Variants in TJP1 observed in about 807,000 individuals in gnomAD.
TJP1 encodes the protein tight junction protein ZO-1.
TJP1 carries 43 observed loss-of-function variants against 194.2 expected under a neutral mutation model. That is an observed-to-expected ratio of 0.22 (90% CI 0.17 to 0.29). TJP1 has a LOEUF of 0.29. Among genes scored for constraint, TJP1 ranks in the 10% least tolerant of loss-of-function variants. The pLI, the probability that TJP1 is intolerant of heterozygous loss-of-function variation, is 1.00. For missense variants in TJP1, 1,971 were observed against 2,185.7 expected (o/e 0.90, Z 1.96); for synonymous variants, 801 against 779.0 (o/e 1.03, Z -0.47).
intron 1 of TJP1, among the ~76,000 whole-genome samples, chr15:29,959,647 G>A (rs1232754744): frequency 6.6e-6 from 1 of 152,088 alleles, no homozygotes; most frequent in Non-Finnish European, 1.5e-5. Flanking sequence ...CCGGACAACT[G>A]TAACGTTTTC....
chr15:29,734,154 A>C (rs1566921988), intron 12 of TJP1, 120 bp downstream of exon 12: 1 of 648,820 alleles, frequency 1.5e-6, no homozygotes, highest in Admixed American at 3.3e-5. Context: ...TTTCTTTGAG[A>C]TTAACAAATT....
upstream of TJP1, among the ~76,000 whole-genome samples, chr15:29,826,543 C>A (rs1309901549): frequency 6.6e-6 from 1 of 152,168 alleles, no homozygotes; most frequent in East Asian, 1.9e-4. Context: ...TCCCTTCCTG[C>A]CAAAACACTG....
At chr15:29,878,199 G>T (rs547398393) in intron 2 of TJP1, among the ~76,000 whole-genome samples, 2 of 151,902 alleles carry the variant, frequency 1.3e-5, no homozygotes, top group African/African-American at 4.8e-5. Flanking sequence ...ACAGGCGCCC[G>T]CTACCATGCT....
intron 1 of TJP1, among the ~76,000 whole-genome samples, chr15:29,965,234 G>A (rs1438476620): frequency 7.1e-6 from 1 of 141,844 alleles, no homozygotes; most frequent in Non-Finnish European, 1.6e-5. Flanking sequence ...TTTTGAGATG[G>A]AGTCTTGCTC....
At chr15:29,932,978 T>G (rs2152272790) in intron 2 of TJP1, among the ~76,000 whole-genome samples, 1 of 152,316 alleles carries the variant, frequency 6.6e-6, no homozygotes, top group South Asian at 2.1e-4. Flanking sequence ...TAACTATGAA[T>G]TTTGTAAAGA....
intron 27 of TJP1, among the ~76,000 whole-genome samples, chr15:29,702,374 G>C (rs1345400685): frequency 6.6e-6 from 1 of 152,188 alleles, no homozygotes; most frequent in Non-Finnish European, 1.5e-5. Flanking sequence ...CAGGATTTAA[G>C]TTTTTAATAA....
At chr15:29,707,093 C>A (rs1037836326) in intron 25 of TJP1, among the ~76,000 whole-genome samples, 2 of 152,174 alleles carry the variant, frequency 1.3e-5, no homozygotes, top group African/African-American at 4.8e-5. Flanking sequence ...CAAGCGCCCG[C>A]TCTGGCTGTA....
At chr15:29,807,841 T>C (rs942966652) in intron 1 of TJP1, among the ~76,000 whole-genome samples, 39 of 152,060 alleles carry the variant, frequency 2.6e-4, no homozygotes, top group Non-Finnish European at 1.5e-4. Context: ...TTGGAAAAAA[T>C]ATTTACGTAC....
chr15:29,732,440 T>C lies in TJP1; in HGVS notation c.2010A>G (p.Gln670=), dbSNP rs371297907. ...KLAREEPDIY[Q]IAKSEPRDAG... is the part of the protein sequence containing the mutation. ...AGCCTTGAGGCTACTTACTTGCAAT[T>C]TGATAAATATCTGGTTCTTCTCTTG... is the stretch of plus-strand genomic sequence containing the variant. The change falls in exon 15 of 28, where the codon CAA becomes CAG. Residue 670 remains glutamine (Q), a synonymous_variant. Transcript: ENST00000614355. 1.9e-6 allele frequency: 3 copies of C among 1,613,158 alleles called. No homozygotes were observed. The highest frequency in any genetic ancestry group is 1.3e-5 in the African/African-American group (1 of 75,030).
At chr15:29,967,051 T>C (rs547043285) in intron 1 of TJP1, among the ~76,000 whole-genome samples, 2 of 151,270 alleles carry the variant, frequency 1.3e-5, no homozygotes, top group East Asian at 1.9e-4. Context: ...AGTCTCACTC[T>C]CGCCCAGGCT....
intron 1 of TJP1, among the ~76,000 whole-genome samples, chr15:29,815,635 C>G (rs938971530): frequency 6.6e-6 from 1 of 152,238 alleles, no homozygotes; most frequent in Non-Finnish European, 1.5e-5. Context: ...GAATTTACAG[C>G]TGGACTCATG....
At chr15:29,740,648 A>G (rs2151331201) in intron 10 of TJP1, among the ~76,000 whole-genome samples, 1 of 152,194 alleles carries the variant, frequency 6.6e-6, no homozygotes, top group East Asian at 1.9e-4. Flanking sequence ...AAAACTAACC[A>G]AACAAACAAA....
intron 2 of TJP1, among the ~76,000 whole-genome samples, chr15:29,862,319 G>C (rs1228658146): frequency 2.6e-5 from 4 of 152,158 alleles, no homozygotes; most frequent in Admixed American, 2.0e-4. Flanking sequence ...TCCAGTGAGA[G>C]AGGTAAACAG....
chr15:29,713,828 A>C (rs2042389168), intron 23 of TJP1, among the ~76,000 whole-genome samples: 1 of 152,222 alleles, frequency 6.6e-6, no homozygotes, highest in Admixed American at 6.5e-5. Flanking sequence ...TTTCAATTTC[A>C]CACTACAAAG....
At chr15:29,815,884 G>A (rs529606313) in intron 1 of TJP1, among the ~76,000 whole-genome samples, 53 of 152,262 alleles carry the variant, frequency 3.5e-4, no homozygotes, top group Middle Eastern at 6.8e-3. Context: ...TCCAGGATTG[G>A]AGGGGAAAAA....
At chr15:29,739,467 G>A (rs1268424890) in intron 10 of TJP1, among the ~76,000 whole-genome samples, 1 of 152,048 alleles carries the variant, frequency 6.6e-6, no homozygotes. Context: ...TTTTTGAGAT[G>A]GAGTTTTGCT....
intron 2 of TJP1, chr15:29,956,182 A>C: frequency 2.7e-6 from 3 of 1,119,724 alleles, no homozygotes; most frequent in Non-Finnish European, 3.3e-6. Context: ...TAAAATAAAA[A>C]CTTTCATACT....
At chr15:29,904,258 G>T (rs1361349661) in intron 2 of TJP1, among the ~76,000 whole-genome samples, 1 of 152,144 alleles carries the variant, frequency 6.6e-6, no homozygotes, top group African/African-American at 2.4e-5. Context: ...CAACTGCTCT[G>T]CGGAGATGAG....
intron 8 of TJP1, among the ~76,000 whole-genome samples, chr15:29,747,003 T>C (rs976394043): frequency 6.6e-6 from 1 of 152,012 alleles, no homozygotes; most frequent in African/African-American, 2.4e-5. Flanking sequence ...ATGCAAATGA[T>C]GTTTAACATG....
Sources: gnomAD v4.1 joint callset for allele counts (sites outside exome capture counted in the v4.1 genomes callset) on GRCh38, gnomAD v4.1.1 for gene constraint, MANE v1.5 for transcripts, NCBI Gene and HGNC (gene_info 2026-07-23, HGNC 2026-07-21) for gene names.